MS4A4A: variants seen among roughly 807,000 people sequenced by gnomAD.
MS4A4A encodes membrane spanning 4-domains A4A.
MS4A4A carries 26 observed loss-of-function variants against 28.0 expected under a neutral mutation model. The ratio of observed to expected loss-of-function variants is 0.93; its 90% CI spans 0.68 to 1.29. MS4A4A has a LOEUF of 1.29. Ranked by LOEUF, MS4A4A falls within the 50% of genes most tolerant of loss-of-function variation. The probability of loss-of-function intolerance (pLI) is 0.00; values close to 1 mark genes in which losing one functional copy is unlikely to be tolerated. For missense variants in MS4A4A, 290 were observed against 293.1 expected, an observed-to-expected ratio of 0.99 and a Z score of 0.08; for synonymous variants, 86 against 100.8, an observed-to-expected ratio of 0.85 and a Z score of 0.88.
intron 3 of MS4A4A, among the ~76,000 whole-genome samples, chr11:60,300,342 C>G (rs1447308653): frequency 6.6e-6 from 1 of 152,028 alleles, no homozygotes; most frequent in Non-Finnish European, 1.5e-5. Context: ...ATTGGCCGGG[C>G]GCAGTGGCTC....
At chr11:60,287,673 C>T (rs1473887430) in intron 1 of MS4A4A, among the ~76,000 whole-genome samples, 38 of 152,108 alleles carry the variant, frequency 2.5e-4, no homozygotes, top group Admixed American at 2.5e-3. Flanking sequence ...AGTCCAGAGT[C>T]ACATCAGAAG....
chr11:60,306,070 C>T (rs1202895541), intron 5 of MS4A4A, 30 bp from the exon 6 acceptor site: 1 of 1,527,426 alleles, frequency 6.5e-7, no homozygotes, highest in Non-Finnish European at 9.0e-7. Flanking sequence ...CTCCATTTCT[C>T]ACATTCCTTT....
intron 1 of MS4A4A, 52 bp from the exon 2 acceptor site, chr11:60,292,173 T>C (rs964089721): frequency 3.4e-6 from 5 of 1,484,966 alleles, no homozygotes; most frequent in Non-Finnish European, 4.5e-6. Context: ...AAGTGTCATG[T>C]CCTCTTTTGC....
Position 60,286,098 on chromosome 11 carries a change from T to A in MS4A4A, c.41+5382T>A, listed in dbSNP as rs142351699. ...ACTGGGAAAAGAATTCAGTGATATT[T>A]CTCCTACTTGTTTTCTGCAATAAGA... On this transcript the variant is annotated intron_variant, in intron 1 of 6. Coordinates refer to ENST00000337908, the MANE Select transcript of MS4A4A (RefSeq NM_148975.3). Among the ~76,000 whole-genome samples the A allele has an allele frequency of 1.8e-3, 277 of 152,300 alleles. 3 individuals carry two copies. The highest frequency in any genetic ancestry group is 2.9e-3 in the Non-Finnish European group (197 of 68,022).
chr11:60,294,558 A>G (rs1196154912), intron 2 of MS4A4A, among the ~76,000 whole-genome samples: 1 of 152,094 alleles, frequency 6.6e-6, no homozygotes, highest in East Asian at 1.9e-4. Flanking sequence ...ATTTTGGCCT[A>G]TGTTATCTGT....
chr11:60,283,304 C>CG (rs1371702991), intron 1 of MS4A4A, among the ~76,000 whole-genome samples: 1 of 152,086 alleles, frequency 6.6e-6, no homozygotes, highest in East Asian at 1.9e-4. Flanking sequence ...TGGGCTCCAG[C>CG]GGTCCTCCCA....
intron 1 of MS4A4A, among the ~76,000 whole-genome samples, chr11:60,287,764 A>G (rs1391753065): frequency 1.3e-5 from 2 of 152,162 alleles, no homozygotes; most frequent in African/African-American, 4.8e-5. Context: ...AAAACAAGTG[A>G]TTTGTCTTCA....
intron 3 of MS4A4A, among the ~76,000 whole-genome samples, chr11:60,298,698 G>A (rs1460207995): frequency 6.6e-6 from 1 of 152,062 alleles, no homozygotes; most frequent in Admixed American, 6.5e-5. Context: ...TCCTTTTCAA[G>A]ATCACATTAA....
intron 1 of MS4A4A, chr11:60,282,753 A>T: frequency 1.6e-6 from 2 of 1,248,882 alleles, no homozygotes; most frequent in Non-Finnish European, 2.1e-6. Flanking sequence ...AGACTACAAT[A>T]GATTTGTGCT....
chr11:60,288,902 A>G (rs931530818), intron 1 of MS4A4A, among the ~76,000 whole-genome samples: 3 of 152,168 alleles, frequency 2.0e-5, no homozygotes, highest in African/African-American at 7.2e-5. Context: ...GACACAGCTC[A>G]ATCAAAGCTA....
At chr11:60,293,293 T>A (rs1312476752) in intron 2 of MS4A4A, among the ~76,000 whole-genome samples, 2 of 152,218 alleles carry the variant, frequency 1.3e-5, no homozygotes, top group Admixed American at 1.3e-4. Flanking sequence ...CCTGACCTCG[T>A]GATCTGCCTG....
chr11:60,283,392 A>T (rs550305191), intron 1 of MS4A4A, among the ~76,000 whole-genome samples: 20 of 152,184 alleles, frequency 1.3e-4, no homozygotes, highest in African/African-American at 4.8e-4. Flanking sequence ...TTTAACATGG[A>T]TAGTGTAGTT....
intron 1 of MS4A4A, among the ~76,000 whole-genome samples, chr11:60,289,624 T>C (rs370858362): frequency 6.7e-6 from 1 of 148,296 alleles, no homozygotes; most frequent in Non-Finnish European, 1.5e-5. Flanking sequence ...TGTGTGTGTG[T>C]TGATGATGAT....
chr11:60,282,152 G>C (rs2084760341), intron 1 of MS4A4A, among the ~76,000 whole-genome samples: 1 of 152,174 alleles, frequency 6.6e-6, no homozygotes, highest in African/African-American at 2.4e-5. Flanking sequence ...AAGCATAGGA[G>C]TCAGTTACAA....
In MS4A4A at chr11:60,308,146, A is replaced by T; in HGVS notation, c.688A>T (p.Thr230Ser). Residue 230 changes from threonine to serine, a missense_variant, in exon 7 of 7, where the codon ACA (threonine) becomes TCA (serine). Thr to Ser is a moderately conservative substitution (Grantham distance 58, BLOSUM62 1). Coordinates refer to ENST00000337908, the MANE Select transcript of MS4A4A (RefSeq NM_148975.3). ...GCCATCACATTCTCACATGGCAGAA[A>T]CAGCATCTCCCACACCACTTAATGA... is the stretch of plus-strand genomic sequence containing the variant. ...ILPSHSHMAE[T>S]ASPTPLNEV The T allele has an allele frequency of 1.2e-6, 2 of 1,614,126 alleles. No homozygotes were observed. Among genetic ancestry groups the T allele is most frequent in the Non-Finnish European group, 1.7e-6 (2 of 1,179,980 alleles).
chr11:60,280,785 T>A lies in MS4A4A; in HGVS notation c.41+69T>A. The A allele has an allele frequency of 1.9e-6, 3 of 1,575,846 alleles. No individual in the cohort carries two copies. The South Asian group carries it at 3.4e-5, about 18-fold the overall frequency. ...TTGTTTCACTTCCTGGGTTAAGAATTTCTGGGAGGGGAATGAGAAGAATAA... is the reference window on the plus strand; with the variant it reads ...TTGTTTCACTTCCTGGGTTAAGAATATCTGGGAGGGGAATGAGAAGAATAA... On this transcript the variant is annotated intron_variant, in intron 1 of 6. Transcript: ENST00000337908.
intron 6 of MS4A4A, among the ~76,000 whole-genome samples, chr11:60,306,891 T>A (rs2085007886): frequency 6.6e-6 from 1 of 152,224 alleles, no homozygotes; most frequent in Non-Finnish European, 1.5e-5. Context: ...GATCTCAGAC[T>A]TCTCTATCAG....
chr11:60,292,155 C>G, intron 1 of MS4A4A, 70 bp from the exon 2 acceptor site: 1 of 1,461,210 alleles, frequency 6.8e-7, no homozygotes, highest in South Asian at 1.5e-5. Context: ...AGGGAGGAAC[C>G]TGCCCCAAAG....
Position 60,306,188 on chromosome 11 carries a change from G to C in MS4A4A, c.635G>C (p.Cys212Ser), listed in dbSNP as rs540491858. 6.2e-7 allele frequency: 1 copy of C among 1,613,354 alleles called. No homozygotes were observed. Among genetic ancestry groups the C allele is most frequent in the South Asian group, 1.1e-5 (1 of 91,076 alleles). The stretch of plus-strand genomic sequence containing the variant: ...GCCTTTGGATGTAAAGTGCTCTGTT[G>C]TACCCCTGGTGGGGTGAGTATTGGC... The part of the protein sequence containing the change: ...LSAFGCKVLC[C>S]TPGGVVLILP... Residue 212 changes from cysteine to serine, a missense_variant, in exon 6 of 7, where the codon TGT (cysteine) becomes TCT (serine). Coordinates refer to ENST00000337908, the MANE Select transcript of MS4A4A (RefSeq NM_148975.3).
Sources: gnomAD v4.1 joint callset for allele counts (sites outside exome capture counted in the v4.1 genomes callset) on GRCh38, gnomAD v4.1.1 for gene constraint, MANE v1.5 for transcripts, NCBI Gene and HGNC (gene_info 2026-07-23, HGNC 2026-07-21) for gene names.